SLC36A1: variants seen among roughly 807,000 people sequenced by gnomAD.
SLC36A1 encodes the protein solute carrier family 36 member 1, also known as proton-coupled amino acid transporter 1.
Under a neutral mutation model 47.5 loss-of-function variants are expected in SLC36A1, and 30 were observed. The observed-to-expected ratio is 0.63, with a 90% CI of 0.47 to 0.86. The LOEUF is 0.86. SLC36A1 is among the 40% of genes least tolerant of loss of function. The pLI is 0.00. For synonymous variants in SLC36A1, 255 were observed against 249.7 expected (o/e 1.02, Z -0.20); for missense variants, 517 against 606.0 (o/e 0.85, Z 1.54).
chr5:151,486,550 A>C (rs941552039), intron 10 of SLC36A1, among the ~76,000 whole-genome samples: 5 of 152,230 alleles, frequency 3.3e-5, no homozygotes, highest in Non-Finnish European at 4.4e-5. Flanking sequence ...TGCTCAGCCA[A>C]AGAAGCAGTG....
chr5:151,497,987 C>G, the SLC36A1 span, among the ~76,000 whole-genome samples: 11 of 151,856 alleles, frequency 7.2e-5, no homozygotes, highest in Admixed American at 2.0e-4. Flanking sequence ...CTCTAATCCC[C>G]CAGGCTGGAG....
At chr5:151,353,129 A>C in the SLC36A1 span, among the ~76,000 whole-genome samples, 1 of 152,224 alleles carries the variant, frequency 6.6e-6, no homozygotes, top group Non-Finnish European at 1.5e-5. Context: ...CATGGATGAA[A>C]ACATATGTGT....
intron 9 of SLC36A1, chr5:151,477,040 T>C (rs888826481): frequency 2.8e-5 from 14 of 501,844 alleles, no homozygotes; most frequent in Non-Finnish European, 4.5e-5. Context: ...AGTCCATTCA[T>C]GGTAAACCAT....
At chr5:151,406,325 A>G in the SLC36A1 span, 3 of 152,236 alleles carry the variant, frequency 2.0e-5, no homozygotes, top group African/African-American at 7.2e-5. Context: ...CCAAGATCCA[A>G]TAGCTTGAAA....
At chr5:151,391,525 A>G in the SLC36A1 span, among the ~76,000 whole-genome samples, 8 of 152,168 alleles carry the variant, frequency 5.3e-5, no homozygotes, top group Non-Finnish European at 1.2e-4. Flanking sequence ...TCAGAATGAT[A>G]TTGGCTGTGG....
At chr5:151,410,189 CT>C in the SLC36A1 span, among the ~76,000 whole-genome samples, 1 of 152,084 alleles carries the variant, frequency 6.6e-6, no homozygotes, top group Non-Finnish European at 1.5e-5. Context: ...AGGGCAGGAA[CT>C]TTATCTGATT....
chr5:151,507,436 C>A, the SLC36A1 span: 1 of 1,614,204 alleles, frequency 6.2e-7, no homozygotes, highest in South Asian at 1.1e-5. Flanking sequence ...TCCATGGCCA[C>A]AGGCTTGTGA....
At chr5:151,354,766 C>A in the SLC36A1 span, among the ~76,000 whole-genome samples, 2 of 152,150 alleles carry the variant, frequency 1.3e-5, no homozygotes, top group Non-Finnish European at 2.9e-5. Flanking sequence ...GATTGGAACC[C>A]CTGCACATGC....
chr5:151,456,769 A>G (rs545387160), intron 1 of SLC36A1, among the ~76,000 whole-genome samples: 1 of 152,188 alleles, frequency 6.6e-6, no homozygotes, highest in African/African-American at 2.4e-5. Context: ...TCCTTCCTAC[A>G]TTGCAATTGT....
chr5:151,547,501 A>G, the SLC36A1 span, among the ~76,000 whole-genome samples: 5 of 152,216 alleles, frequency 3.3e-5, no homozygotes. Context: ...TATTCCCTCT[A>G]TCACGTGAGA....
the SLC36A1 span, among the ~76,000 whole-genome samples, chr5:151,355,334 G>A: frequency 4.0e-5 from 6 of 151,614 alleles, no homozygotes; most frequent in African/African-American, 1.2e-4. Flanking sequence ...GCAGGGGAAA[G>A]GGGAAAGAAA....
At chr5:151,368,622 G>A in the SLC36A1 span, among the ~76,000 whole-genome samples, 8 of 152,272 alleles carry the variant, frequency 5.3e-5, no homozygotes, top group East Asian at 1.4e-3. Flanking sequence ...TACCCTAGCT[G>A]AGGTTCAGGC....
chr5:151,488,309 C>T lies in SLC36A1; in HGVS notation c.*55C>T. The stretch of plus-strand genomic sequence containing the variant: ...CCCCTGCCCCATGTGTCCCCCGTTA[C>T]CTGTCCTCAGAGCCTCAGGTATGGT... On this transcript the variant is annotated 3_prime_UTR_variant, in exon 11 of 11. Coordinates refer to ENST00000243389, the MANE Select transcript of SLC36A1 (RefSeq NM_078483.4). 6.3e-7 allele frequency: 1 copy of T among 1,585,244 alleles called. No individual in the cohort carries two copies. Among genetic ancestry groups the T allele is most frequent in the East Asian group, 2.2e-5 (1 of 44,656 alleles).
rs1759996919 is a variant in SLC36A1 at position 151,490,229 on chromosome 5, CGGG to C, written c.*1976_*1978del. ...GGTGCTATGTGACCAGGAATCTAGC[CGGG>C]AGTAGCAGAGGCCCTGTCTTCTGAA... On this transcript the variant is annotated 3_prime_UTR_variant, in exon 11 of 11. Transcript: ENST00000243389. The C allele has an allele frequency of 6.6e-6, 1 of 152,182 alleles. No homozygotes were observed. Among genetic ancestry groups the C allele is most frequent in the South Asian group, 2.1e-4 (1 of 4,820 alleles). 9.4% of individuals were successfully genotyped at this position (152,182 alleles called of 1,614,324 possible). A position where few individuals can be genotyped will look rare whatever the true frequency, so the allele number is the denominator to read the frequency against.
At chr5:151,386,752 C>T in the SLC36A1 span, among the ~76,000 whole-genome samples, 1 of 152,240 alleles carries the variant, frequency 6.6e-6, no homozygotes, top group Non-Finnish European at 1.5e-5. Context: ...CACAGTCCCA[C>T]TGACTTCAGT....
chr5:151,485,425 A>C (rs1439500694), intron 10 of SLC36A1, among the ~76,000 whole-genome samples: 1 of 152,210 alleles, frequency 6.6e-6, no homozygotes, highest in Non-Finnish European at 1.5e-5. Flanking sequence ...GAAAGAGGTC[A>C]GGGCTGATCG....
chr5:151,400,990 G>T, the SLC36A1 span, among the ~76,000 whole-genome samples: 2 of 152,112 alleles, frequency 1.3e-5, no homozygotes, highest in Non-Finnish European at 2.9e-5. Context: ...TTATCCTGTT[G>T]ATAGTTAATT....
the SLC36A1 span, among the ~76,000 whole-genome samples, chr5:151,421,348 C>A: frequency 6.7e-6 from 1 of 149,934 alleles, no homozygotes; most frequent in Non-Finnish European, 1.5e-5. Flanking sequence ...CTCAAGAAAT[C>A]CCCTCATCTC....
chr5:151,479,595 T>C, intron 10 of SLC36A1, 106 bp downstream of exon 10: 1 of 1,349,670 alleles, frequency 7.4e-7, no homozygotes, highest in East Asian at 2.3e-5. Context: ...GCTGGCTATG[T>C]TTGTGACAGA....
Sources: allele counts gnomAD v4.1 joint callset (sites outside exome capture counted in the v4.1 genomes callset), GRCh38; gene constraint gnomAD v4.1.1; transcripts MANE v1.5; gene names NCBI Gene and HGNC (gene_info 2026-07-23, HGNC 2026-07-21).